CCDC102A: variants seen among roughly 807,000 people sequenced by gnomAD.
CCDC102A encodes coiled-coil domain containing 102A, also known as coiled-coil domain-containing protein 102A.
Under a neutral mutation model 55.5 loss-of-function variants are expected in CCDC102A, and 40 were observed. The observed-to-expected ratio is 0.72, with a 90% CI of 0.56 to 0.94. The LOEUF is 0.94. Ranked by LOEUF, CCDC102A falls within the 40% of genes least tolerant of loss-of-function variation. The pLI, the probability that CCDC102A is intolerant of heterozygous loss-of-function variation, is 0.00. For synonymous variants in CCDC102A, 323 were observed against 339.0 expected, an observed-to-expected ratio of 0.95 and a Z score of 0.52; for missense variants, 779 against 768.6, an observed-to-expected ratio of 1.01 and a Z score of -0.16.
chr16:57,525,617 T>C (rs2146708581), intron 3 of CCDC102A, among the ~76,000 whole-genome samples: 1 of 152,164 alleles, frequency 6.6e-6, no homozygotes, highest in African/African-American at 2.4e-5. Flanking sequence ...CTCCCCCAAC[T>C]AGAAAGTACG....
At chr16:57,525,392 C>T (rs535758306) in intron 3 of CCDC102A, among the ~76,000 whole-genome samples, 2 of 152,294 alleles carry the variant, frequency 1.3e-5, no homozygotes, top group Admixed American at 6.5e-5. Flanking sequence ...TGAGCCACTG[C>T]GCCTGGCCCA....
chr16:57,518,309 C>A (rs1381367719), intron 5 of CCDC102A, 32 bp from the exon 6 acceptor site: 1 of 1,596,462 alleles, frequency 6.3e-7, no homozygotes, highest in Non-Finnish European at 8.5e-7. Context: ...TGAGGACTCC[C>A]AGCGGAGGGG....
intron 3 of CCDC102A, among the ~76,000 whole-genome samples, chr16:57,525,252 C>T (rs1183701068): frequency 2.0e-5 from 3 of 152,076 alleles, no homozygotes; most frequent in Non-Finnish European, 4.4e-5. Context: ...TCTGCCACCA[C>T]GCCTAGCTAA....
Position 57,526,075 on chromosome 16 carries a change from T to C in CCDC102A, c.638A>G (p.Asp213Gly). 1 of 1,581,892 alleles carries C rather than the reference T, an allele frequency of 6.3e-7. No individual in the cohort carries two copies. The highest frequency in any genetic ancestry group is 8.6e-7 in the Non-Finnish European group (1 of 1,168,850). ...CCCCAGGCTGCGCGCCTCCCAGCAG[T>C]CCTCAGACTCCTCTGGCATGCTCTT... ...LLKSMPEESE[D>G]CWEARSLGAG... Residue 213 changes from aspartate to glycine, a missense_variant, in exon 3 of 9, where the codon GAC (aspartate) becomes GGC (glycine). Coordinates refer to ENST00000258214, the MANE Select transcript of CCDC102A (RefSeq NM_033212.4).
chr16:57,529,307 G>A lies in CCDC102A; in HGVS notation c.-130C>T. The A allele has an allele frequency of 1.8e-6, 2 of 1,115,892 alleles. No homozygotes were observed. Among genetic ancestry groups the A allele is most frequent in the East Asian group, 9.3e-5 (2 of 21,430 alleles). The allele number at this position is 1,115,892 out of a possible 1,614,324, so 69.1% of individuals were successfully genotyped here. On this transcript the variant is annotated 5_prime_UTR_variant, in exon 2 of 9. Transcript: ENST00000258214. This position sits in a 1 kb window ranked among gnomAD's most constrained non-coding sequence, Gnocchi z 4.1. ...CCGCTTCCCTCTGGGCCACCGGGCG[G>A]AGGACGCCTCCTCGGACCTACGGGA... is the stretch of plus-strand genomic sequence containing the variant.
Position 57,528,673 on chromosome 16 carries a change from G to C in CCDC102A, c.505C>G (p.Gln169Glu), listed in dbSNP as rs1457514793. 19 of 1,137,040 alleles carry C rather than the reference G, an allele frequency of 1.7e-5. No homozygotes were observed. Among genetic ancestry groups the C allele is most frequent in the Non-Finnish European group, 1.9e-5 (18 of 923,626 alleles). The allele number at this position is 1,137,040 out of a possible 1,614,324, so 70.4% of individuals were successfully genotyped here. A position where few individuals can be genotyped will look rare whatever the true frequency, so the allele number is the denominator to read the frequency against. Residue 169 changes from glutamine (Q) to glutamate (E), a missense_variant, in exon 2 of 9, where the codon CAG (glutamine) becomes GAG (glutamate). Gln to Glu is a conservative substitution (Grantham distance 29, BLOSUM62 2). Coordinates refer to ENST00000258214, the MANE Select transcript of CCDC102A (RefSeq NM_033212.4). Reference protein sequence around the residue: ...RLRGARGVADQTRDGPEPEAE... With the variant: ...RLRGARGVADETRDGPEPEAE... ...TCCGGCTCGGGGCCGTCGCGCGTCT[G>C]GTCGGCGACCCCCCGGGCGCCCCTC...
chr16:57,521,351 C>T (rs1402400991), intron 3 of CCDC102A, among the ~76,000 whole-genome samples, 175 bp from the exon 4 acceptor site: 1 of 152,212 alleles, frequency 6.6e-6, no homozygotes, highest in Non-Finnish European at 1.5e-5. Flanking sequence ...CTTTGCAGTT[C>T]TCCTGGAACT....
intron 1 of CCDC102A, among the ~76,000 whole-genome samples, chr16:57,530,017 T>G (rs564728445): frequency 6.6e-6 from 1 of 152,290 alleles, no homozygotes; most frequent in Admixed American, 6.5e-5. Flanking sequence ...AGAAAATGAT[T>G]ACCTCCATTT....
intron 1 of CCDC102A, among the ~76,000 whole-genome samples, chr16:57,533,665 C>T (rs1598082396): frequency 6.6e-6 from 1 of 151,356 alleles, no homozygotes; most frequent in Non-Finnish European, 1.5e-5. Flanking sequence ...GCCCGAGGGA[C>T]CTGCACTCAC....
rs1347785698 is a variant in CCDC102A at position 57,529,501 on chromosome 16, G to C, written c.-147-177C>G. On this transcript the variant is annotated intron_variant, in intron 1 of 8. Transcript: ENST00000258214. The surrounding 1 kb of genome is among the most constrained non-coding windows in gnomAD (Gnocchi z 4.1). ...AAGGGCCCGCAAAGGCCTCCTCAGTGGCCTCGACTCCCTGCTCCAATCCCT... is the reference window on the plus strand; with the variant it reads ...AAGGGCCCGCAAAGGCCTCCTCAGTCGCCTCGACTCCCTGCTCCAATCCCT... 6.6e-6 allele frequency among the ~76,000 whole-genome samples: 1 copy of C among 152,170 alleles called. No homozygotes were observed. Among genetic ancestry groups the C allele is most frequent in the Non-Finnish European group, 1.5e-5 (1 of 68,008 alleles).
At position 57,525,820 on chromosome 16, in the gene CCDC102A, G is replaced by A. The variant is rs1444462482; in HGVS notation, c.812+81C>T. 8 of 1,252,088 alleles carry A rather than the reference G, an allele frequency of 6.4e-6. No individual in the cohort carries two copies. The African/African-American group carries it at 1.0e-4, about 16-fold the overall frequency. The allele number at this position is 1,252,088 out of a possible 1,614,324, so 77.6% of individuals were successfully genotyped here. The stretch of plus-strand genomic sequence containing the variant: ...TCTAAACACTACCTGTCATCTTCGT[G>A]AGTCTAATGTTCTGTGATTCTGAGG... On this transcript the variant is annotated intron_variant, in intron 3 of 8. Transcript: ENST00000258214.
intron 1 of CCDC102A, among the ~76,000 whole-genome samples, chr16:57,536,064 C>A (rs1313110636): frequency 6.6e-6 from 1 of 152,228 alleles, no homozygotes; most frequent in Admixed American, 6.5e-5. Flanking sequence ...CCGCCCACCC[C>A]ACCGCATGGC....
chr16:57,533,536 TCA>T (rs1268559453), intron 1 of CCDC102A, among the ~76,000 whole-genome samples: 1 of 136,534 alleles, frequency 7.3e-6, no homozygotes, highest in Non-Finnish European at 1.6e-5. Context: ...ATGCACACAC[TCA>T]CACACACACC....
chr16:57,512,889 A>C lies in CCDC102A; in HGVS notation c.1524-19T>G. 1 of 1,609,662 alleles carries C rather than the reference A, an allele frequency of 6.2e-7. No homozygotes were observed. ...GCGGAGCCTGTGGGGTGGGGGTGAC[A>C]GGAGGTTAGAGCAGCCTGGCTGGTA... On this transcript the variant is annotated intron_variant, in intron 8 of 8. Transcript: ENST00000258214.
At position 57,512,732 on chromosome 16, in the gene CCDC102A, C is replaced by T. The variant is rs1344037133; in HGVS notation, c.*9G>A. ...TGGGGCGGCCCATCCTGCCCAGCCACAGGAAGCTCTAGGCCACCTGGATTT... is the reference window on the plus strand; with the variant it reads ...TGGGGCGGCCCATCCTGCCCAGCCATAGGAAGCTCTAGGCCACCTGGATTT... On this transcript the variant is annotated 3_prime_UTR_variant, in exon 9 of 9. Transcript: ENST00000258214. 8 of 1,612,546 alleles carry T rather than the reference C, an allele frequency of 5.0e-6. No individual in the cohort carries two copies. The highest frequency in any genetic ancestry group is 4.0e-5 in the African/African-American group (3 of 74,912).
intron 8 of CCDC102A, 110 bp downstream of exon 8, chr16:57,515,231 G>C: frequency 1.4e-6 from 1 of 730,420 alleles, no homozygotes; most frequent in South Asian, 1.6e-5. Context: ...CAGGCACCTG[G>C]ATCTCTTCCT....
intron 3 of CCDC102A, among the ~76,000 whole-genome samples, chr16:57,522,416 C>T (rs1192153926): frequency 6.6e-6 from 1 of 152,138 alleles, no homozygotes; most frequent in African/African-American, 2.4e-5. Flanking sequence ...TGCTGTACCC[C>T]AGGCTCATCT....
chr16:57,531,359 C>G (rs903234468), intron 1 of CCDC102A, among the ~76,000 whole-genome samples: 8 of 152,046 alleles, frequency 5.3e-5, no homozygotes, highest in Non-Finnish European at 1.2e-4. Context: ...TCCTCCCCCA[C>G]CCACCGCCAA....
Position 57,512,551 on chromosome 16 carries a change from A to G in CCDC102A, c.*190T>C. The G allele has an allele frequency of 1.5e-6, 1 of 647,148 alleles. No homozygotes were observed. The highest frequency in any genetic ancestry group is 2.6e-6 in the Non-Finnish European group (1 of 379,996). The allele number at this position is 647,148 out of a possible 1,614,324, so 40.1% of individuals were successfully genotyped here. ...GCGCGTGTGTGTATATATATATATAAAACATAGGCTTCCTTTCCACAGGGC... is the reference window on the plus strand; with the variant it reads ...GCGCGTGTGTGTATATATATATATAGAACATAGGCTTCCTTTCCACAGGGC... On this transcript the variant is annotated 3_prime_UTR_variant, in exon 9 of 9. Coordinates refer to ENST00000258214, the MANE Select transcript of CCDC102A (RefSeq NM_033212.4).
Sources: allele counts gnomAD v4.1 joint callset (sites outside exome capture counted in the v4.1 genomes callset), GRCh38; gene constraint gnomAD v4.1.1; non-coding constraint Gnocchi (gnomAD v3.1); transcripts MANE v1.5; gene names NCBI Gene and HGNC (gene_info 2026-07-23, HGNC 2026-07-21).